DNAH7: variants seen among roughly 807,000 people sequenced by gnomAD.
DNAH7 encodes the protein axonemal beta dynein heavy chain 7.
A neutral mutation model predicts 444.6 loss-of-function variants in DNAH7; 397 were observed. The ratio of observed to expected loss-of-function variants is 0.89; its 90% confidence interval spans 0.82 to 0.97. The LOEUF is 0.97. Among genes scored for constraint, DNAH7 ranks in the 50% least tolerant of loss-of-function variants. The pLI is 0.00. For missense variants in DNAH7, 4,902 were observed against 4,800.8 expected, an observed-to-expected ratio of 1.02 and a Z score of -0.62; for synonymous variants, 1,636 against 1,624.4, an observed-to-expected ratio of 1.01 and a Z score of -0.17.
At chr2:195,872,139 A>C in intron 40 of DNAH7, 111 bp downstream of exon 40, 1 of 868,980 alleles carries the variant, frequency 1.2e-6, no homozygotes, top group East Asian at 2.7e-5. Flanking sequence ...AATGCCAAAT[A>C]ACTGAATATA....
chr2:195,859,672 A>G (rs917855171), intron 42 of DNAH7, among the ~76,000 whole-genome samples: 12 of 152,324 alleles, frequency 7.9e-5, no homozygotes, highest in Admixed American at 2.6e-4. Flanking sequence ...AAAAAAATTC[A>G]TAAGTGAGAG....
At position 195,781,638 on chromosome 2, in the gene DNAH7, T is replaced by C. The variant is rs148303022; in HGVS notation, c.10879-3653A>G. On this transcript the variant is annotated intron_variant, in intron 58 of 64. Coordinates refer to ENST00000312428, the MANE Select transcript of DNAH7 (RefSeq NM_018897.3). ...AGTCAACAACTAGTATTCATGGTTA[T>C]ATAAGAAGTTCGTTTTAACCTTAAC... Among the ~76,000 whole-genome samples the C allele has an allele frequency of 3.5e-3, 525 of 151,268 alleles. 1 individual carries two copies. The highest frequency in any genetic ancestry group is 0.012 in the African/African-American group (509 of 41,082).
chr2:196,016,323 T>C (rs1196473274), intron 9 of DNAH7, among the ~76,000 whole-genome samples: 4 of 152,188 alleles, frequency 2.6e-5, no homozygotes, highest in African/African-American at 4.8e-5. Context: ...ATATACTATA[T>C]TGTATGACCT....
At chr2:195,880,701 T>G (rs1417870805) in intron 36 of DNAH7, among the ~76,000 whole-genome samples, 3 of 152,164 alleles carry the variant, frequency 2.0e-5, no homozygotes, top group Non-Finnish European at 4.4e-5. Flanking sequence ...TATCATAAAA[T>G]TATAGAATCA....
rs13027719 is a variant in DNAH7, at chr2:196,037,955, T to C, written c.398+9397A>G. 5.2e-3 allele frequency among the ~76,000 whole-genome samples: 791 copies of C among 152,274 alleles called. 2 individuals are homozygous for C. The highest frequency in any genetic ancestry group is 8.8e-3 in the Non-Finnish European group (597 of 68,016). On this transcript the variant is annotated intron_variant, in intron 5 of 64. Transcript: ENST00000312428. ...TGGCACAACATATATAGTTAATCTG[T>C]CAAAAGTCAAAGACAAAGAATTCTA...
At chr2:196,001,521 T>G (rs923858122) in intron 11 of DNAH7, among the ~76,000 whole-genome samples, 154 bp downstream of exon 11, 13 of 152,196 alleles carry the variant, frequency 8.5e-5, no homozygotes, top group African/African-American at 1.4e-4. Flanking sequence ...TGTGCCACCA[T>G]GCCTGGCTGA....
chr2:195,916,218 G>T (rs1160367758), intron 24 of DNAH7, among the ~76,000 whole-genome samples: 1 of 152,186 alleles, frequency 6.6e-6, no homozygotes, highest in East Asian at 1.9e-4. Context: ...TCTAGGTGAT[G>T]CTGGGTTTGA....
chr2:195,927,325 T>C (rs1366618972), intron 21 of DNAH7, among the ~76,000 whole-genome samples: 2 of 152,108 alleles, frequency 1.3e-5, no homozygotes, highest in Non-Finnish European at 2.9e-5. Context: ...TCTTAGATTT[T>C]TCTGAAAAAT....
At chr2:195,891,397 G>T (rs1021544731) in intron 31 of DNAH7, among the ~76,000 whole-genome samples, 24 of 151,682 alleles carry the variant, frequency 1.6e-4, no homozygotes, top group African/African-American at 5.8e-4. Flanking sequence ...AAAATAACCA[G>T]AAATACTTTG....
intron 17 of DNAH7, among the ~76,000 whole-genome samples, chr2:195,967,046 A>G (rs999657770): frequency 6.6e-6 from 1 of 151,724 alleles, no homozygotes. Flanking sequence ...CTTCCTTCCT[A>G]TCTTCCTTTT....
At position 195,931,306 on chromosome 2, in the gene DNAH7, T is replaced by A. The variant is rs186277047; in HGVS notation, c.3471+3285A>T. Among the ~76,000 whole-genome samples, 1,351 of 152,298 alleles carry A rather than the reference T, an allele frequency of 8.9e-3. 26 individuals carry two copies. Among genetic ancestry groups the A allele is most frequent in the African/African-American group, 0.03 (1,256 of 41,546 alleles). On this transcript the variant is annotated intron_variant, in intron 21 of 64. Transcript: ENST00000312428. ...CTTGTAAATTTGTTTGAGTTCATTG[T>A]AGATTCTGGATATTAGGCCTTTGTC... is the stretch of plus-strand genomic sequence containing the variant.
intron 46 of DNAH7, among the ~76,000 whole-genome samples, chr2:195,853,037 A>G (rs1574569207): frequency 6.6e-6 from 1 of 152,066 alleles, no homozygotes; most frequent in East Asian, 1.9e-4. Context: ...TTTTAAAAAA[A>G]ATTTTATTTT....
At chr2:195,898,695 C>T (rs2009119) in intron 28 of DNAH7, among the ~76,000 whole-genome samples, 23,770 of 152,126 alleles carry the variant, frequency 0.16, 2,255 homozygotes, top group African/African-American at 0.26. Flanking sequence ...ACGCCCAGAA[C>T]GCCACATGTT....
At chr2:195,985,913 T>C (rs529523623) in intron 14 of DNAH7, among the ~76,000 whole-genome samples, 23 of 151,816 alleles carry the variant, frequency 1.5e-4, no homozygotes, top group Non-Finnish European at 2.6e-4. Flanking sequence ...TCCCCAGCCT[T>C]TCCTTTCACT....
rs10532192 is a variant in DNAH7 at position 196,002,295 on chromosome 2, TTCTA to T, written c.990-441_990-438del. On this transcript the variant is annotated intron_variant, in intron 10 of 64. Transcript: ENST00000312428. Reference sequence around the variant, plus strand: ...CAATACACTTGGTTGTTTCATGCTATTCTATCTGTTTACAGTTACTTGAAAACAA... The same window carrying T: ...CAATACACTTGGTTGTTTCATGCTATTCTGTTTACAGTTACTTGAAAACAA... Among the ~76,000 whole-genome samples, 2,912 of 152,298 alleles carry T rather than the reference TTCTA, an allele frequency of 0.019. 231 individuals carry two copies. In the East Asian group the frequency reaches 0.26, roughly 14 times the overall value.
chr2:195,907,201 A>G (rs1687082644), intron 25 of DNAH7, among the ~76,000 whole-genome samples, 192 bp from the exon 26 acceptor site: 1 of 152,164 alleles, frequency 6.6e-6, no homozygotes, highest in South Asian at 2.1e-4. Flanking sequence ...GAGTTTGATC[A>G]ATTGGAAAAT....
Position 195,787,159 on chromosome 2 carries a change from T to G in DNAH7, c.10729A>C (p.Lys3577Gln). Residue 3577 changes from lysine to glutamine, a missense_variant, in exon 58 of 65, where the codon AAA becomes CAA. Coordinates refer to ENST00000312428, the MANE Select transcript of DNAH7 (RefSeq NM_018897.3). ...GSCKKPEEFK[K>Q]LLYGLCFFHA... ...AAGAAACACAGGCCATAAAGCAATT[T>G]CTTGAATTCCTCCTGTAATGAGAAG... 6.3e-7 allele frequency: 1 copy of G among 1,599,876 alleles called. No individual in the cohort carries two copies.
chr2:196,000,778 G>C lies in DNAH7; in HGVS notation c.1279C>G (p.Leu427Val). The C allele has an allele frequency of 1.2e-6, 2 of 1,602,238 alleles. No individual in the cohort carries two copies. The highest frequency in any genetic ancestry group is 1.7e-6 in the Non-Finnish European group (2 of 1,173,706). The change falls in exon 12 of 65, where the codon CTA (leucine) becomes GTA (valine). Residue 427 changes from leucine to valine, a missense_variant. Coordinates refer to ENST00000312428, the MANE Select transcript of DNAH7 (RefSeq NM_018897.3). ...PELSDYIDIF[L>V]NVYDVMIKAV... is the part of the protein sequence containing the mutation. ...TTAATCATGACGTCATAAACATTTA[G>C]AAAGATATCTATATAGTCACTCAAC... is the stretch of plus-strand genomic sequence containing the variant.
rs143611224 is a variant in DNAH7 at position 195,981,103 on chromosome 2, C to T, written c.1833+3529G>A. ...TATATTTGAAAAATCCTAGAGACTC[C>T]ACCAAAAAACTATTAGAACTGATAA... On this transcript the variant is annotated intron_variant, in intron 15 of 64. Coordinates refer to ENST00000312428, the MANE Select transcript of DNAH7 (RefSeq NM_018897.3). 3.1e-3 allele frequency among the ~76,000 whole-genome samples: 471 copies of T among 151,808 alleles called. 3 individuals carry two copies. Among genetic ancestry groups the T allele is most frequent in the African/African-American group, 0.011 (452 of 41,498 alleles).
Sources: allele counts gnomAD v4.1 joint callset (sites outside exome capture counted in the v4.1 genomes callset), GRCh38; gene constraint gnomAD v4.1.1; transcripts MANE v1.5; gene names NCBI Gene and HGNC (gene_info 2026-07-23, HGNC 2026-07-21).